The following FHIT variants were observed in gnomAD, a reference collection of about 807,000 sequenced individuals.
The protein encoded by FHIT is bis(5'-adenosyl)-triphosphatase.
In FHIT, 19 loss-of-function variants were observed where a neutral mutation model predicts 17.9. That is an observed-to-expected ratio of 1.06 (90% CI 0.74 to 1.56). FHIT has a LOEUF of 1.56. FHIT is among the 40% of genes most tolerant of loss of function. FHIT has a pLI of 0.00. For missense variants in FHIT, 248 were observed against 189.2 expected (o/e 1.31, Z -1.82); for synonymous variants, 81 against 69.7 (o/e 1.16, Z -0.81).
At chr3:60,178,052 G>A (rs560481760) in intron 5 of FHIT, among the ~76,000 whole-genome samples, 9 of 152,292 alleles carry the variant, frequency 5.9e-5, no homozygotes, top group South Asian at 2.1e-4. Context: ...AGAATTTAAC[G>A]TTAATATGAA....
At chr3:60,138,464 C>G (rs1699906498) in intron 5 of FHIT, among the ~76,000 whole-genome samples, 1 of 152,152 alleles carries the variant, frequency 6.6e-6, no homozygotes. Context: ...CAGAAATTTT[C>G]TCATTGAATG....
intron 5 of FHIT, among the ~76,000 whole-genome samples, chr3:60,040,935 T>A (rs1237341435): frequency 6.6e-6 from 1 of 152,098 alleles, no homozygotes; most frequent in Non-Finnish European, 1.5e-5. Flanking sequence ...GCCTCAAGAT[T>A]TATTAGGACC....
At position 60,400,398 on chromosome 3, in the gene FHIT, G is replaced by A. The variant is rs773353711; in HGVS notation, c.103+136462C>T. ...TCCATATAAGAGGGTGGCCAAGTTC[G>A]TGGCATCAGACTTTCCACTGGAAAT... On this transcript the variant is annotated intron_variant, in intron 5 of 9. Coordinates refer to ENST00000492590, the MANE Select transcript of FHIT (RefSeq NM_002012.4). Among the ~76,000 whole-genome samples, 12 of 152,246 alleles carry A rather than the reference G, an allele frequency of 7.9e-5. 1 individual carries two copies. Among genetic ancestry groups the A allele is most frequent in the Middle Eastern group, 6.8e-3 (2 of 294 alleles).
intron 8 of FHIT, among the ~76,000 whole-genome samples, chr3:59,756,123 C>T (rs11920301): frequency 0.025 from 3,870 of 152,186 alleles, 187 homozygotes; most frequent in African/African-American, 0.088. Flanking sequence ...CTAATGACAG[C>T]GAGCACTAAA....
At chr3:60,448,482 T>C (rs1335041222) in intron 5 of FHIT, among the ~76,000 whole-genome samples, 2 of 152,192 alleles carry the variant, frequency 1.3e-5, no homozygotes, top group African/African-American at 4.8e-5. Flanking sequence ...TTACATAAAA[T>C]CTGCTCATCT....
At chr3:59,764,051 G>A (rs1701669002) in intron 8 of FHIT, among the ~76,000 whole-genome samples, 1 of 152,196 alleles carries the variant, frequency 6.6e-6, no homozygotes, top group African/African-American at 2.4e-5. Context: ...GGCCGTCCCA[G>A]AACAGCTGGA....
intron 7 of FHIT, among the ~76,000 whole-genome samples, chr3:59,977,226 T>G (rs1205126380): frequency 6.6e-6 from 1 of 152,130 alleles, no homozygotes; most frequent in Non-Finnish European, 1.5e-5. Context: ...ATACATCTGC[T>G]GATGGTCCTG....
intron 1 of FHIT, among the ~76,000 whole-genome samples, chr3:61,204,305 T>G (rs941540566): frequency 6.6e-6 from 1 of 152,192 alleles, no homozygotes. Context: ...GGTAATGATC[T>G]GTTTCTTGGC....
At chr3:60,576,231 A>AT (rs199623441) in intron 4 of FHIT, among the ~76,000 whole-genome samples, 1,158 of 101,558 alleles carry the variant, frequency 0.011, 11 homozygotes, top group African/African-American at 0.037. Context: ...GATTGGTAAA[A>AT]TTTTTTTAAA....
At chr3:60,573,789 G>A (rs111241930) in intron 4 of FHIT, among the ~76,000 whole-genome samples, 6,006 of 151,964 alleles carry the variant, frequency 0.04, 395 homozygotes, top group African/African-American at 0.14. Flanking sequence ...TTCATTCTGC[G>A]TTCATTTATG....
At chr3:61,145,518 T>G (rs1305696106) in intron 2 of FHIT, among the ~76,000 whole-genome samples, 2 of 152,056 alleles carry the variant, frequency 1.3e-5, no homozygotes, top group African/African-American at 4.8e-5. Context: ...CAGTTCCACA[T>G]GCAATTTAGG....
intron 5 of FHIT, among the ~76,000 whole-genome samples, chr3:60,201,348 T>C (rs1702896003): frequency 6.6e-6 from 1 of 152,054 alleles, no homozygotes; most frequent in Admixed American, 6.6e-5. Flanking sequence ...CAAACCACAA[T>C]ACTATCTATT....
rs1575594474 is a variant in FHIT, at chr3:59,749,066, G to T, written c.*519C>A. 6.6e-6 allele frequency among the ~76,000 whole-genome samples: 1 copy of T among 152,116 alleles called. No individual in the cohort carries two copies. The highest frequency in any genetic ancestry group is 2.4e-5 in the African/African-American group (1 of 41,438). ...GAAGGCCAAGTCTATCTGACCTTCA[G>T]ATTAACAATTTTTAAAGTCTAGCTA... On this transcript the variant is annotated 3_prime_UTR_variant, in exon 10 of 10. Coordinates refer to ENST00000492590, the MANE Select transcript of FHIT (RefSeq NM_002012.4).
chr3:61,196,144 A>C (rs1016528101), intron 2 of FHIT, among the ~76,000 whole-genome samples: 8 of 152,148 alleles, frequency 5.3e-5, no homozygotes, highest in Admixed American at 1.3e-4. Context: ...AAAATAATAT[A>C]AGTACATTAT....
chr3:60,164,807 C>A (rs1701094947), intron 5 of FHIT, among the ~76,000 whole-genome samples: 1 of 152,178 alleles, frequency 6.6e-6, no homozygotes, highest in East Asian at 1.9e-4. Flanking sequence ...ACATTTAAAG[C>A]AGAATTTTAC....
chr3:59,770,610 T>G (rs1702030452), intron 8 of FHIT, among the ~76,000 whole-genome samples: 1 of 152,178 alleles, frequency 6.6e-6, no homozygotes, highest in East Asian at 1.9e-4. Context: ...CACCTTCACC[T>G]CGGGCTTGTA....
At chr3:60,131,005 ATGTG>A (rs1294108483) in intron 5 of FHIT, among the ~76,000 whole-genome samples, 2 of 78,592 alleles carry the variant, frequency 2.5e-5, no homozygotes, top group African/African-American at 1.3e-4. Context: ...ATATATACAT[ATGTG>A]TATATATACA....
chr3:60,999,400 C>G (rs2030906538), intron 3 of FHIT, among the ~76,000 whole-genome samples: 1 of 151,300 alleles, frequency 6.6e-6, no homozygotes, highest in Admixed American at 6.6e-5. Context: ...TTATAGATTT[C>G]AAACACTGGA....
At chr3:60,232,176 T>C (rs1301780364) in intron 5 of FHIT, among the ~76,000 whole-genome samples, 1 of 152,184 alleles carries the variant, frequency 6.6e-6, no homozygotes, top group African/African-American at 2.4e-5. Context: ...AAGAACACTC[T>C]CATTTTTCAA....
Sources: allele counts gnomAD v4.1 joint callset (sites outside exome capture counted in the v4.1 genomes callset), GRCh38; gene constraint gnomAD v4.1.1; transcripts MANE v1.5; gene names NCBI Gene and HGNC (gene_info 2026-07-23, HGNC 2026-07-21).